Variants in POLR1B observed in about 807,000 individuals in gnomAD.
The protein encoded by POLR1B is RNA polymerase I subunit B.
Under a neutral mutation model 105.8 loss-of-function variants are expected in POLR1B, and 30 were observed. The observed-to-expected ratio is 0.28, with a 90% confidence interval of 0.21 to 0.38. The LOEUF is 0.38. Among genes scored for constraint, POLR1B ranks in the 10% least tolerant of loss-of-function variants. The pLI, the probability that POLR1B is intolerant of heterozygous loss-of-function variation, is 1.00. For missense variants in POLR1B, 976 were observed against 1,435.8 expected, an observed-to-expected ratio of 0.68 and a Z score of 5.17; for synonymous variants, 485 against 505.1, an observed-to-expected ratio of 0.96 and a Z score of 0.53.
rs774534947 is a variant in POLR1B at position 112,550,916 on chromosome 2, C to G, written c.676C>G (p.Leu226Val). The part of the protein sequence containing the change: ...REEHSAVNMN[L>V]HYLENGTVML... ...AGAACATTCCGCTGTCAATATGAAC[C>G]TCCACTACTTGGAAAATGGCACTGT... Residue 226 changes from leucine (L) to valine (V), a missense_variant, in exon 5 of 15, where the codon CTC becomes GTC. Physicochemically the swap from Leu to Val is conservative, Grantham distance 32. Coordinates refer to ENST00000263331, the MANE Select transcript of POLR1B (RefSeq NM_019014.6). 2 of 1,613,708 alleles carry G rather than the reference C, an allele frequency of 1.2e-6. No homozygotes were observed. The highest frequency in any genetic ancestry group is 2.7e-5 in the African/African-American group (2 of 74,920).
At chr2:112,572,022 A>C (rs904143472) in intron 12 of POLR1B, among the ~76,000 whole-genome samples, 1 of 152,156 alleles carries the variant, frequency 6.6e-6, no homozygotes, top group Non-Finnish European at 1.5e-5. Context: ...TTTCACTTGT[A>C]TGTATTTATA....
At chr2:112,566,134 T>C (rs1445174553) in intron 10 of POLR1B, among the ~76,000 whole-genome samples, 1 of 152,052 alleles carries the variant, frequency 6.6e-6, no homozygotes, top group Non-Finnish European at 1.5e-5. Flanking sequence ...GAATCACAGC[T>C]CTCCTGTAAT....
At chr2:112,556,516 T>C (rs969458895) in intron 7 of POLR1B, among the ~76,000 whole-genome samples, 2 of 152,236 alleles carry the variant, frequency 1.3e-5, no homozygotes, top group South Asian at 2.1e-4. Context: ...CCAGAGAATA[T>C]GCAGAAATGA....
chr2:112,557,791 GC>G (rs1203700746), intron 7 of POLR1B, 118 bp from the exon 8 acceptor site: 3 of 220,680 alleles, frequency 1.4e-5, no homozygotes, highest in Non-Finnish European at 2.1e-5. Context: ...TCACCATTTT[GC>G]CCAGTCTCAT....
chr2:112,559,296 TTG>T lies in POLR1B; in HGVS notation c.1335_1336del (p.Gly446ProfsTer12). ...GAATGACTTTTGTTTTATTAAGGTC[TTG>T]GCCTCCTACAAGATTCTGGACTTTG... On this transcript the variant is annotated frameshift_variant, in exon 9 of 15. Transcript: ENST00000263331. LOFTEE classifies it high-confidence loss of function. 6.2e-7 allele frequency: 1 copy of T among 1,613,970 alleles called. No individual in the cohort carries two copies. Among genetic ancestry groups the T allele is most frequent in the East Asian group, 2.2e-5 (1 of 44,880 alleles).
chr2:112,551,328 T>C (rs934149190), intron 5 of POLR1B, among the ~76,000 whole-genome samples: 3 of 152,166 alleles, frequency 2.0e-5, no homozygotes, highest in African/African-American at 7.2e-5. Flanking sequence ...TGCTGGTTGG[T>C]GGCAGGAGGT....
intron 4 of POLR1B, 35 bp from the exon 5 acceptor site, chr2:112,550,831 T>C (rs1683327522): frequency 1.2e-6 from 2 of 1,606,514 alleles, no homozygotes; most frequent in Middle Eastern, 1.7e-4. Flanking sequence ...AAGATATCAA[T>C]GAGTTTCTGA....
rs377301934 is a variant in POLR1B, at chr2:112,574,958, C to T, written c.2637C>T (p.Ile879=). 4.2e-5 allele frequency: 68 copies of T among 1,613,958 alleles called. No individual in the cohort carries two copies. The highest frequency in any genetic ancestry group is 1.6e-4 in the Middle Eastern group (1 of 6,084). The part of the protein sequence containing the change: ...ITMRVPRNPT[I]GDKFASRHGQ... Reference sequence around the variant, plus strand: ...TGAGAGTGCCTCGGAACCCAACTATCGGAGATAAATTTGCCAGTCGCCATG... The same window carrying T: ...TGAGAGTGCCTCGGAACCCAACTATTGGAGATAAATTTGCCAGTCGCCATG... The change falls in exon 15 of 15, where the codon ATC becomes ATT. Residue 879 remains isoleucine (I), a synonymous_variant. Coordinates refer to ENST00000263331, the MANE Select transcript of POLR1B (RefSeq NM_019014.6).
intron 1 of POLR1B, 172 bp from the exon 2 acceptor site, chr2:112,546,840 G>A (rs1047605141): frequency 8.9e-5 from 53 of 592,212 alleles, no homozygotes; most frequent in Non-Finnish European, 1.5e-4. Flanking sequence ...TGAGATTACA[G>A]GCGTGAACCA....
chr2:112,574,723 T>TAAAA (rs61116291), intron 14 of POLR1B, 124 bp from the exon 15 acceptor site: 8 of 589,086 alleles, frequency 1.4e-5, no homozygotes, highest in African/African-American at 1.2e-4. Flanking sequence ...CCCTGTATCA[T>TAAAA]AAAAAAAAAA....
intron 7 of POLR1B, chr2:112,553,499 A>T (rs930573638): frequency 6.6e-6 from 1 of 152,020 alleles, no homozygotes; most frequent in African/African-American, 2.4e-5. Context: ...TTTTTTGTAG[A>T]AACAGGGTCC....
At chr2:112,544,528 TA>T (rs1682933111) in intron 1 of POLR1B, among the ~76,000 whole-genome samples, 1 of 152,212 alleles carries the variant, frequency 6.6e-6, no homozygotes, top group African/African-American at 2.4e-5. Flanking sequence ...ATTGCATTAT[TA>T]AAAATCTTTT....
chr2:112,542,820 A>G, intron 1 of POLR1B, 149 bp downstream of exon 1: 1 of 939,610 alleles, frequency 1.1e-6, no homozygotes, highest in Non-Finnish European at 1.6e-6. Context: ...GTTAAACAGG[A>G]CGCGGTACTG....
chr2:112,568,684 T>C, intron 11 of POLR1B, 62 bp from the exon 12 acceptor site: 1 of 1,552,998 alleles, frequency 6.4e-7, no homozygotes, highest in Non-Finnish European at 8.8e-7. Flanking sequence ...CTCTGAGAAA[T>C]GGTAAGAGTA....
intron 14 of POLR1B, 106 bp downstream of exon 14, chr2:112,573,921 A>G (rs552914947): frequency 7.5e-7 from 1 of 1,339,022 alleles, no homozygotes; most frequent in East Asian, 2.3e-5. Context: ...ATCTCAGCTC[A>G]CTACAACCAC....
At chr2:112,550,038 T>C (rs1683282743) in intron 4 of POLR1B, among the ~76,000 whole-genome samples, 1 of 152,256 alleles carries the variant, frequency 6.6e-6, no homozygotes, top group Non-Finnish European at 1.5e-5. Flanking sequence ...TGTATTTTTG[T>C]TACTACTTAT....
rs1684832070 is a variant in POLR1B, at chr2:112,575,733, G to A, written c.*4G>A. 1 of 1,602,472 alleles carries A rather than the reference G, an allele frequency of 6.2e-7. No individual in the cohort carries two copies. The highest frequency in any genetic ancestry group is 8.5e-7 in the Non-Finnish European group (1 of 1,173,688). On this transcript the variant is annotated 3_prime_UTR_variant, in exon 15 of 15. Coordinates refer to ENST00000263331, the MANE Select transcript of POLR1B (RefSeq NM_019014.6). The surrounding 1 kb of genome is among the most constrained non-coding windows in gnomAD (Gnocchi z 5.3). Reference sequence around the variant, plus strand: ...AGTGAAACTGGATGTTGTTTAACTTGATGTTGACCTTTTGGATTAAGAGGA... The same window carrying A: ...AGTGAAACTGGATGTTGTTTAACTTAATGTTGACCTTTTGGATTAAGAGGA...
chr2:112,567,476 C>G (rs1684347381), intron 10 of POLR1B, among the ~76,000 whole-genome samples: 1 of 152,016 alleles, frequency 6.6e-6, no homozygotes, highest in African/African-American at 2.4e-5. Flanking sequence ...ACCTCCTGGG[C>G]TCAAGTGATC....
At chr2:112,545,634 T>TA (rs1682997023) in intron 1 of POLR1B, among the ~76,000 whole-genome samples, 1 of 138,788 alleles carries the variant, frequency 7.2e-6, no homozygotes, top group South Asian at 2.3e-4. Flanking sequence ...TCTCTTTTTT[T>TA]AACTTCATTC....
Sources: gnomAD v4.1 joint callset for allele counts (sites outside exome capture counted in the v4.1 genomes callset) on GRCh38, gnomAD v4.1.1 for gene constraint, Gnocchi (gnomAD v3.1) non-coding constraint, MANE v1.5 for transcripts, NCBI Gene and HGNC (gene_info 2026-07-23, HGNC 2026-07-21) for gene names.